Variants in TEAD2 observed in about 807,000 individuals in gnomAD.
The protein encoded by TEAD2 is TEA domain transcription factor 2.
In TEAD2, 51 loss-of-function variants were observed where a neutral mutation model predicts 61.4. That is an observed-to-expected ratio of 0.83 (90% CI 0.66 to 1.05). The LOEUF is 1.05. TEAD2 is among the 50% of genes least tolerant of loss of function. The pLI is 0.00. For synonymous variants in TEAD2, 244 were observed against 243.2 expected (o/e 1.00, Z -0.03); for missense variants, 509 against 600.0 (o/e 0.85, Z 1.58).
At chr19:49,343,882 C>T (rs1032536342) in intron 10 of TEAD2, among the ~76,000 whole-genome samples, 2 of 147,952 alleles carry the variant, frequency 1.4e-5, no homozygotes, top group Non-Finnish European at 3.0e-5. Flanking sequence ...GGTCTTGCTC[C>T]GTCACCCAGG....
At chr19:49,344,679 TG>T (rs1333590170) in intron 10 of TEAD2, among the ~76,000 whole-genome samples, 2 of 152,276 alleles carry the variant, frequency 1.3e-5, no homozygotes, top group Admixed American at 6.5e-5. Flanking sequence ...CAGTTCAAGA[TG>T]AATACCTCCC....
chr19:49,351,176 T>C lies in TEAD2; in HGVS notation c.604+125A>G, dbSNP rs1279449173. 4 of 1,012,890 alleles carry C rather than the reference T, an allele frequency of 3.9e-6. No homozygotes were observed. In the Admixed American group the frequency reaches 1.2e-4, roughly 29 times the overall value. The allele number at this position is 1,012,890 out of a possible 1,614,324, so 62.7% of individuals were successfully genotyped here. A position where few individuals can be genotyped will look rare whatever the true frequency, so the allele number is the denominator to read the frequency against. On this transcript the variant is annotated intron_variant, in intron 8 of 12. Coordinates refer to ENST00000593945, the MANE Select transcript of TEAD2 (RefSeq NM_001256660.2). Reference sequence around the variant, plus strand: ...CCTGGCGACAGAGGGAGACTCCATCTCAAAACAAAACAAAATAAAACAAAA... The same window carrying C: ...CCTGGCGACAGAGGGAGACTCCATCCCAAAACAAAACAAAATAAAACAAAA...
At chr19:49,361,591 G>T (rs555924578) in intron 1 of TEAD2, 45 of 152,242 alleles carry the variant, frequency 3.0e-4, no homozygotes, top group African/African-American at 1.1e-3. Flanking sequence ...CTCCCCTCCG[G>T]CACCGGGCCC....
At chr19:49,351,007 G>A (rs969871576) in intron 8 of TEAD2, among the ~76,000 whole-genome samples, 2 of 151,656 alleles carry the variant, frequency 1.3e-5, no homozygotes, top group African/African-American at 2.4e-5. Context: ...GGTGAAACCC[G>A]ATCTCTACTA....
Position 49,347,305 on chromosome 19 carries a change from G to A in TEAD2, c.806C>T (p.Pro269Leu), listed in dbSNP as rs776168256. The A allele has an allele frequency of 1.4e-5, 22 of 1,613,670 alleles. 1 individual carries two copies. Among genetic ancestry groups the A allele is most frequent in the South Asian group, 6.6e-5 (6 of 91,078 alleles). Residue 269 changes from proline to leucine, a missense_variant, in exon 10 of 13, where the codon CCG becomes CTG. By Grantham distance (98) the Pro-to-Leu change is moderately conservative (BLOSUM62 -3). Transcript: ENST00000593945. ...SQHCPSPGAP[P>L]LESVDVRQIY... Reference sequence around the variant, plus strand: ...CTGCCGGACGTCCACACTCTCGAGCGGCGGCGCTCCGGGGCTGGGGCAGTG... The same window carrying A: ...CTGCCGGACGTCCACACTCTCGAGCAGCGGCGCTCCGGGGCTGGGGCAGTG...
At chr19:49,361,508 C>T in intron 1 of TEAD2, 1 of 152,500 alleles carries the variant, frequency 6.6e-6, no homozygotes, top group Non-Finnish European at 1.5e-5. Flanking sequence ...AGAGCCAGAA[C>T]AAAGGGCCCA....
intron 10 of TEAD2, 32 bp from the exon 11 acceptor site, chr19:49,343,430 G>A (rs774191634): frequency 3.8e-6 from 6 of 1,577,958 alleles, no homozygotes; most frequent in Non-Finnish European, 4.3e-6. Context: ...ATGAGTCAGA[G>A]GGGACATCCC....
Position 49,348,688 on chromosome 19 carries a change from C to G in TEAD2, c.747+15G>C, listed in dbSNP as rs371107765. On this transcript the variant is annotated intron_variant, in intron 9 of 12. Transcript: ENST00000593945. ...TTTCAAAATCCCTCAGCGACTGTAC[C>G]AAAATTTCACTCACAGAATCAACTG... 4.3e-6 allele frequency: 7 copies of G among 1,612,456 alleles called. No homozygotes were observed. The highest frequency in any genetic ancestry group is 5.9e-6 in the Non-Finnish European group (7 of 1,178,664).
Position 49,347,212 on chromosome 19 carries a change from G to T in TEAD2, c.899C>A (p.Ala300Asp). Reference sequence around the variant, plus strand: ...CACCCAGAACTTGACCAGGAAGAAGGCATGGGGGGGGCCACGATCATATAG... The same window carrying T: ...CACCCAGAACTTGACCAGGAAGAAGTCATGGGGGGGGCCACGATCATATAG... The part of the protein sequence containing the change: ...RELYDRGPPH[A>D]FFLVKFWADL... Residue 300 changes from alanine to aspartate, a missense_variant, in exon 10 of 13, where the codon GCC becomes GAC. Coordinates refer to ENST00000593945, the MANE Select transcript of TEAD2 (RefSeq NM_001256660.2). 6.2e-7 allele frequency: 1 copy of T among 1,613,994 alleles called. No individual in the cohort carries two copies. Among genetic ancestry groups the T allele is most frequent in the South Asian group, 1.1e-5 (1 of 91,062 alleles).
intron 1 of TEAD2, 166 bp from the exon 2 acceptor site, chr19:49,360,247 G>C: frequency 1.6e-6 from 1 of 625,364 alleles, no homozygotes; most frequent in Non-Finnish European, 2.8e-6. Flanking sequence ...CTGGGTCTGA[G>C]GGAGGAGGAT....
intron 3 of TEAD2, chr19:49,357,600 C>T: frequency 1.9e-6 from 1 of 533,750 alleles, no homozygotes; most frequent in Non-Finnish European, 3.4e-6. Context: ...AAACTATCCC[C>T]AAACAGGCAC....
At chr19:49,351,712 G>A (rs536909306) in intron 7 of TEAD2, among the ~76,000 whole-genome samples, 15 of 152,118 alleles carry the variant, frequency 9.9e-5, no homozygotes, top group East Asian at 1.9e-4. Flanking sequence ...CCAGCCTGGC[G>A]TGGTGGCTCA....
chr19:49,347,316 G>A lies in TEAD2; in HGVS notation c.795C>T (p.Pro265=), dbSNP rs192683478. The A allele has an allele frequency of 2.2e-5, 35 of 1,613,010 alleles. No individual in the cohort carries two copies. The East Asian group carries it at 2.2e-4, about 10-fold the overall frequency. ...CCACACTCTCGAGCGGCGGCGCTCC[G>A]GGGCTGGGGCAGTGCTGGCTGATGT... is the stretch of plus-strand genomic sequence containing the variant. ...FVHISQHCPS[P]GAPPLESVDV... is the part of the protein sequence containing the mutation. The change falls in exon 10 of 13, where the codon CCC becomes CCT. Residue 265 remains proline (P), a synonymous_variant. Transcript: ENST00000593945.
intron 8 of TEAD2, 61 bp from the exon 9 acceptor site, chr19:49,348,906 T>G: frequency 7.0e-7 from 1 of 1,431,952 alleles, no homozygotes; most frequent in Non-Finnish European, 9.1e-7. Context: ...TATCAGGTAC[T>G]GTTGTCTCTT....
At position 49,348,571 on chromosome 19, in the gene TEAD2, T is replaced by A. The variant is rs899433991; in HGVS notation, c.747+132A>T. ...TCACATCTAGCAAATCAGAAAGCAA[T>A]CTCTGTTTTAAGAAGCCCTTCAGAT... On this transcript the variant is annotated intron_variant, in intron 9 of 12. Coordinates refer to ENST00000593945, the MANE Select transcript of TEAD2 (RefSeq NM_001256660.2). 14 of 872,344 alleles carry A rather than the reference T, an allele frequency of 1.6e-5. No individual in the cohort carries two copies. The Admixed American group carries it at 2.7e-4, about 17-fold the overall frequency. 54.0% of individuals were successfully genotyped at this position (872,344 alleles called of 1,614,324 possible).
intron 6 of TEAD2, 29 bp from the exon 7 acceptor site, chr19:49,355,235 G>A (rs766667107): frequency 1.2e-5 from 20 of 1,613,652 alleles, no homozygotes; most frequent in Non-Finnish European, 1.7e-5. Context: ...AAAATGGTTG[G>A]TCAGTCCCCT....
rs114238954 is a variant in TEAD2 at position 49,356,067 on chromosome 19, G to A, written c.361-97C>T. The stretch of plus-strand genomic sequence containing the variant: ...CCCCACCTCCCTGCCCTACCCGCCC[G>A]CACAGCCCCGCCACCCTGAGCTGAG... On this transcript the variant is annotated intron_variant, in intron 4 of 12. Transcript: ENST00000593945. The A allele has an allele frequency of 7.8e-3, 6,672 of 857,914 alleles. 298 individuals are homozygous for A. In the African/African-American group the frequency reaches 0.11, roughly 14 times the overall value. The allele number at this position is 857,914 out of a possible 1,614,324, so 53.1% of individuals were successfully genotyped here. A position where few individuals can be genotyped will look rare whatever the true frequency, so the allele number is the denominator to read the frequency against.
At chr19:49,348,866 A>G (rs1971823462) in intron 8 of TEAD2, 21 bp from the exon 9 acceptor site, 2 of 1,492,848 alleles carry the variant, frequency 1.3e-6, no homozygotes, top group Non-Finnish European at 1.8e-6. Flanking sequence ...AGAAGAAAGA[A>G]CAATACAAAT....
intron 11 of TEAD2, among the ~76,000 whole-genome samples, chr19:49,342,975 C>A (rs567712628): frequency 1.2e-4 from 18 of 152,216 alleles, no homozygotes; most frequent in African/African-American, 4.3e-4. Flanking sequence ...GCCCTAAGAA[C>A]CTCTCCATAT....
Sources: gnomAD v4.1 joint callset for allele counts (sites outside exome capture counted in the v4.1 genomes callset) on GRCh38, gnomAD v4.1.1 for gene constraint, MANE v1.5 for transcripts, NCBI Gene and HGNC (gene_info 2026-07-23, HGNC 2026-07-21) for gene names.